Variants in JARID2 observed in about 807,000 individuals in gnomAD.
JARID2 encodes the protein protein Jumonji.
JARID2 carries 21 observed loss-of-function variants against 125.6 expected under a neutral mutation model. The ratio of observed to expected loss-of-function variants is 0.17; its 90% CI spans 0.12 to 0.24. The LOEUF (loss-of-function observed/expected upper bound fraction) is 0.24. JARID2 is among the 10% of genes least tolerant of loss of function. The pLI is 1.00. For synonymous variants in JARID2, 736 were observed against 661.6 expected (o/e 1.11, Z -1.73); for missense variants, 1,303 against 1,639.6 (o/e 0.79, Z 3.55).
At chr6:15,389,284 TGAGTGGATGGGACTATA>T (rs1440723229) in intron 2 of JARID2, among the ~76,000 whole-genome samples, 2 of 152,184 alleles carry the variant, frequency 1.3e-5, no homozygotes, top group East Asian at 3.9e-4. Flanking sequence ...CTCAGCCGCC[TGAGTGGATGGGACTATA>T]GGCACGTGTC....
chr6:15,359,448 C>T (rs1285723883), intron 1 of JARID2, among the ~76,000 whole-genome samples: 2 of 152,006 alleles, frequency 1.3e-5, no homozygotes, highest in Non-Finnish European at 2.9e-5. Context: ...GATTTGCGGC[C>T]GCCTGAAACC....
At chr6:15,478,796 A>T (rs1373422938) in intron 5 of JARID2, among the ~76,000 whole-genome samples, 1 of 151,696 alleles carries the variant, frequency 6.6e-6, no homozygotes, top group Non-Finnish European at 1.5e-5. Context: ...CAGCCTCCTG[A>T]GTAGCTGGGA....
intron 2 of JARID2, among the ~76,000 whole-genome samples, chr6:15,408,497 G>T (rs902062168): frequency 6.6e-6 from 1 of 152,110 alleles, no homozygotes; most frequent in Non-Finnish European, 1.5e-5. Flanking sequence ...TCCCCCACTC[G>T]CATAGTGACA....
At chr6:15,399,212 C>A (rs903371640) in intron 2 of JARID2, among the ~76,000 whole-genome samples, 1 of 152,140 alleles carries the variant, frequency 6.6e-6, no homozygotes, top group African/African-American at 2.4e-5. Context: ...CACCTCTTCT[C>A]CAGCCTTCTA....
At chr6:15,433,765 A>G (rs962836008) in intron 3 of JARID2, among the ~76,000 whole-genome samples, 2 of 151,804 alleles carry the variant, frequency 1.3e-5, no homozygotes, top group African/African-American at 4.8e-5. Context: ...ATATGGGGGG[A>G]AAATTTGACA....
intron 4 of JARID2, among the ~76,000 whole-genome samples, chr6:15,464,090 A>G (rs963278713): frequency 3.9e-5 from 6 of 152,202 alleles, no homozygotes; most frequent in African/African-American, 1.4e-4. Flanking sequence ...TCTAGATATT[A>G]GTCCTTTTCT....
chr6:15,505,369 C>G (rs1293042977), intron 9 of JARID2: 1 of 143,196 alleles, frequency 7.0e-6, no homozygotes, highest in Admixed American at 7.0e-5. Context: ...TTTTTTTCCC[C>G]TTAATGCCAC....
chr6:15,425,081 G>C (rs1161296338), intron 3 of JARID2, among the ~76,000 whole-genome samples: 1 of 152,144 alleles, frequency 6.6e-6, no homozygotes, highest in Non-Finnish European at 1.5e-5. Context: ...AAGGCTCCCG[G>C]TATGTAATAC....
chr6:15,336,085 G>GTGAA (rs5874508), intron 1 of JARID2, among the ~76,000 whole-genome samples: 212 of 149,506 alleles, frequency 1.4e-3, no homozygotes, highest in East Asian at 5.3e-3. Flanking sequence ...GTCTCCAAGG[G>GTGAA]TGAATGAATG....
intron 17 of JARID2, among the ~76,000 whole-genome samples, chr6:15,518,543 G>C (rs141631245): frequency 2.0e-5 from 3 of 152,098 alleles, no homozygotes; most frequent in Non-Finnish European, 4.4e-5. Flanking sequence ...GTGCAGTGGC[G>C]TGATCTCGGC....
intron 1 of JARID2, among the ~76,000 whole-genome samples, chr6:15,278,100 T>A (rs1287980943): frequency 6.6e-6 from 1 of 151,610 alleles, no homozygotes; most frequent in East Asian, 2.0e-4. Flanking sequence ...ATACAAAAAT[T>A]AGCATGCCTG....
At chr6:15,254,624 T>G (rs1273106339) in intron 1 of JARID2, among the ~76,000 whole-genome samples, 2 of 152,164 alleles carry the variant, frequency 1.3e-5, no homozygotes, top group African/African-American at 4.8e-5. Flanking sequence ...CTCAATTGGA[T>G]TTTAAGTTCT....
intron 1 of JARID2, among the ~76,000 whole-genome samples, chr6:15,270,187 C>T (rs1017470491): frequency 6.6e-6 from 1 of 152,164 alleles, no homozygotes; most frequent in Admixed American, 6.5e-5. Context: ...GGCTGGAGAG[C>T]AATGGTGTGA....
chr6:15,404,421 A>G (rs532321307), intron 2 of JARID2, among the ~76,000 whole-genome samples: 1 of 151,884 alleles, frequency 6.6e-6, no homozygotes, highest in Admixed American at 6.6e-5. Flanking sequence ...TTTATTTTTC[A>G]CTATCAATGG....
At chr6:15,357,753 C>T (rs1014888738) in intron 1 of JARID2, among the ~76,000 whole-genome samples, 1 of 152,154 alleles carries the variant, frequency 6.6e-6, no homozygotes. Flanking sequence ...GTTTCTCCTG[C>T]AGAAAGTGAG....
intron 1 of JARID2, among the ~76,000 whole-genome samples, chr6:15,329,968 CT>C (rs1224412682): frequency 1.3e-5 from 2 of 152,292 alleles, no homozygotes; most frequent in East Asian, 3.9e-4. Flanking sequence ...CTTGCCCCCA[CT>C]TAATTTTCAC....
chr6:15,334,960 G>T (rs1762829260), intron 1 of JARID2, among the ~76,000 whole-genome samples: 1 of 152,018 alleles, frequency 6.6e-6, no homozygotes, highest in Non-Finnish European at 1.5e-5. Flanking sequence ...TCTTCATGAT[G>T]CAGATTATTA....
intron 4 of JARID2, among the ~76,000 whole-genome samples, chr6:15,464,437 T>G (rs1173314885): frequency 6.6e-6 from 1 of 152,178 alleles, no homozygotes; most frequent in Non-Finnish European, 1.5e-5. Context: ...GTCTGTTCCT[T>G]CTAGGGGAGA....
intron 4 of JARID2, among the ~76,000 whole-genome samples, chr6:15,467,966 A>G (rs1189484019): frequency 6.6e-6 from 1 of 152,046 alleles, no homozygotes; most frequent in African/African-American, 2.4e-5. Context: ...CAAATTCAGC[A>G]CTTTTACTTA....
Sources: gnomAD v4.1 joint callset for allele counts (sites outside exome capture counted in the v4.1 genomes callset) on GRCh38, gnomAD v4.1.1 for gene constraint, MANE v1.5 for transcripts, NCBI Gene and HGNC (gene_info 2026-07-23, HGNC 2026-07-21) for gene names.